CAMTA1: variants seen among roughly 807,000 people sequenced by gnomAD.
CAMTA1 encodes calmodulin-binding transcription activator 1.
Under a neutral mutation model 170.9 loss-of-function variants are expected in CAMTA1, and 27 were observed. The observed-to-expected ratio is 0.16, with a 90% CI of 0.12 to 0.22. The LOEUF is 0.22. Among genes scored for constraint, CAMTA1 ranks in the 10% least tolerant of loss-of-function variants. CAMTA1 has a pLI of 1.00. For synonymous variants in CAMTA1, 833 were observed against 891.5 expected (o/e 0.93, Z 1.17); for missense variants, 1,619 against 2,217.2 (o/e 0.73, Z 5.42).
chr1:7,735,601 T>C lies in CAMTA1; in HGVS notation c.3067-743T>C, dbSNP rs139780770. Among the ~76,000 whole-genome samples, 783 of 152,244 alleles carry C rather than the reference T, an allele frequency of 5.1e-3. 7 individuals carry two copies. The highest frequency in any genetic ancestry group is 0.018 in the African/African-American group (746 of 41,530). On this transcript the variant is annotated intron_variant, in intron 12 of 22. Transcript: ENST00000303635. ...AACCACTTTTTTTTGTTTAAGGCTG[T>C]GTACACTTTCCCCAAGACGAATCGG...
At chr1:7,447,510 C>A (rs2092710269) in intron 5 of CAMTA1, among the ~76,000 whole-genome samples, 1 of 152,066 alleles carries the variant, frequency 6.6e-6, no homozygotes, top group East Asian at 1.9e-4. Flanking sequence ...ACATGGGCTT[C>A]TTCTCAAAGG....
chr1:6,988,422 A>G (rs540448873), intron 3 of CAMTA1, among the ~76,000 whole-genome samples: 2 of 152,320 alleles, frequency 1.3e-5, no homozygotes, highest in Admixed American at 6.5e-5. Context: ...CAAATTAACA[A>G]TCTGACTTAT....
At chr1:6,800,823 G>A (rs1479842821) in intron 1 of CAMTA1, among the ~76,000 whole-genome samples, 2 of 152,168 alleles carry the variant, frequency 1.3e-5, no homozygotes, top group Admixed American at 6.5e-5. Flanking sequence ...TGGAGAGGCC[G>A]TGAACATAAT....
At chr1:7,704,239 G>A (rs1392439055) in intron 11 of CAMTA1, among the ~76,000 whole-genome samples, 2 of 146,614 alleles carry the variant, frequency 1.4e-5, no homozygotes, top group Non-Finnish European at 3.0e-5. Context: ...AGCTTCGGGC[G>A]GCCCCGACGG....
chr1:7,616,100 A>G (rs2095556881), intron 6 of CAMTA1, among the ~76,000 whole-genome samples: 1 of 152,244 alleles, frequency 6.6e-6, no homozygotes, highest in African/African-American at 2.4e-5. Context: ...TTTAACTTGG[A>G]TGATGAAGAA....
intron 4 of CAMTA1, among the ~76,000 whole-genome samples, chr1:7,151,288 C>A (rs1307248078): frequency 6.6e-6 from 1 of 152,228 alleles, no homozygotes; most frequent in Non-Finnish European, 1.5e-5. Flanking sequence ...AATGTAGCAC[C>A]CGAGCCTAAT....
At chr1:7,221,481 C>G (rs971456735) in intron 4 of CAMTA1, among the ~76,000 whole-genome samples, 1 of 152,146 alleles carries the variant, frequency 6.6e-6, no homozygotes, top group African/African-American at 2.4e-5. Flanking sequence ...GGAAGTCCCT[C>G]CAGAATCAGA....
rs559843307 is a variant in CAMTA1, at chr1:7,680,816, G to C, written c.2914+3083G>C. Among the ~76,000 whole-genome samples, 523 of 149,622 alleles carry C rather than the reference G, an allele frequency of 3.5e-3. 3 individuals carry two copies. Among genetic ancestry groups the C allele is most frequent in the African/African-American group, 0.012 (495 of 40,970 alleles). ...GTTTGCTTGGCTAAAGGCCGGGGGG[G>C]GGCGTGGGTCCGGGGCGCAGAGAAC... On this transcript the variant is annotated intron_variant, in intron 11 of 22. Transcript: ENST00000303635. The surrounding 1 kb of genome is among the most constrained non-coding windows in gnomAD (Gnocchi z 4.4).
chr1:7,559,550 C>T (rs375210056), intron 6 of CAMTA1, among the ~76,000 whole-genome samples: 18 of 152,350 alleles, frequency 1.2e-4, no homozygotes, highest in South Asian at 8.3e-4. Context: ...GGTGTTTTCA[C>T]GCCGAGCACA....
chr1:7,127,380 T>G (rs1448925194), intron 4 of CAMTA1, among the ~76,000 whole-genome samples: 1 of 151,146 alleles, frequency 6.6e-6, no homozygotes, highest in Non-Finnish European at 1.5e-5. Context: ...TTGCTTGGAC[T>G]TCTGACCATG....
At chr1:7,552,736 G>A (rs1294653522) in intron 6 of CAMTA1, among the ~76,000 whole-genome samples, 2 of 152,246 alleles carry the variant, frequency 1.3e-5, no homozygotes, top group African/African-American at 4.8e-5. Context: ...GTTCCGCAAT[G>A]GTGCACTGCA....
intron 4 of CAMTA1, among the ~76,000 whole-genome samples, chr1:7,198,811 T>G (rs1015463052): frequency 1.3e-5 from 2 of 152,118 alleles, no homozygotes; most frequent in African/African-American, 4.8e-5. Flanking sequence ...GACAGATGCT[T>G]GCACACCGCT....
chr1:7,549,136 G>A (rs1363157370), intron 6 of CAMTA1, among the ~76,000 whole-genome samples: 3 of 144,106 alleles, frequency 2.1e-5, no homozygotes, highest in Admixed American at 6.8e-5. Context: ...AGATGCCCAT[G>A]GAGGTGTCCC....
At chr1:6,895,467 A>G (rs1442720520) in intron 3 of CAMTA1, among the ~76,000 whole-genome samples, 2 of 152,228 alleles carry the variant, frequency 1.3e-5, no homozygotes, top group African/African-American at 4.8e-5. Context: ...TCCCCTTGGA[A>G]TAGATTCCCC....
chr1:7,201,835 C>A (rs1335016852), intron 4 of CAMTA1, among the ~76,000 whole-genome samples: 1 of 98,056 alleles, frequency 1.0e-5, no homozygotes, highest in Non-Finnish European at 2.0e-5. Context: ...TCCTATTCTT[C>A]CACAGTTTCA....
chr1:6,796,767 C>G (rs78946482), intron 1 of CAMTA1, among the ~76,000 whole-genome samples: 3 of 152,232 alleles, frequency 2.0e-5, no homozygotes, highest in Admixed American at 2.0e-4. Flanking sequence ...TTCAGTACTA[C>G]GTTAGAACAG....
At chr1:7,677,255 C>G (rs988585126) in intron 10 of CAMTA1, among the ~76,000 whole-genome samples, 1 of 152,196 alleles carries the variant, frequency 6.6e-6, no homozygotes, top group Non-Finnish European at 1.5e-5. Context: ...GAGGGGAAGT[C>G]AGCCAGCCAT....
At chr1:7,438,669 C>T (rs974125417) in intron 5 of CAMTA1, among the ~76,000 whole-genome samples, 11 of 152,244 alleles carry the variant, frequency 7.2e-5, no homozygotes, top group African/African-American at 2.2e-4. Flanking sequence ...CTGTCTCCTC[C>T]GAGGGGCAAG....
rs1180327495 is a variant in CAMTA1, at chr1:7,064,743, T to TG, written c.235-26556dup. On this transcript the variant is annotated intron_variant, in intron 3 of 22. Transcript: ENST00000303635. The surrounding 1 kb of genome is among the most constrained non-coding windows in gnomAD (Gnocchi z 5.4). ...TGCAGAGCATGCTGGTACTGGAGGG[T>TG]GGGGGAGGTGGCAGGAGTCCCATTC... Among the ~76,000 whole-genome samples, 1 of 79,484 alleles carries TG rather than the reference T, an allele frequency of 1.3e-5. No homozygotes were observed. The highest frequency in any genetic ancestry group is 2.5e-5 in the Non-Finnish European group (1 of 39,580). 52.1% of individuals were successfully genotyped at this position (79,484 alleles called of 152,430 possible). A position where few individuals can be genotyped will look rare whatever the true frequency, so the allele number is the denominator to read the frequency against.
Sources: gnomAD v4.1 joint callset for allele counts (sites outside exome capture counted in the v4.1 genomes callset) on GRCh38, gnomAD v4.1.1 for gene constraint, Gnocchi (gnomAD v3.1) non-coding constraint, MANE v1.5 for transcripts, NCBI Gene and HGNC (gene_info 2026-07-23, HGNC 2026-07-21) for gene names.